HIVEP3: variants seen among roughly 807,000 people sequenced by gnomAD.
The protein encoded by HIVEP3 is HIVEP zinc finger 3, also known as transcription factor HIVEP3.
In HIVEP3, 49 loss-of-function variants were observed where a neutral mutation model predicts 152.8. That is an observed-to-expected ratio of 0.32 (90% confidence interval 0.26 to 0.41). The LOEUF is 0.41. Among genes scored for constraint, HIVEP3 ranks in the 10% least tolerant of loss-of-function variants. HIVEP3 has a pLI of 1.00. For synonymous variants in HIVEP3, 1,269 were observed against 1,289.0 expected (o/e 0.98, Z 0.33); for missense variants, 2,790 against 3,103.3 (o/e 0.90, Z 2.40).
intron 5 of HIVEP3, among the ~76,000 whole-genome samples, chr1:41,562,144 C>T (rs572361919): frequency 3.3e-5 from 5 of 152,278 alleles, no homozygotes; most frequent in East Asian, 1.9e-4. Flanking sequence ...ACCCTGGAAA[C>T]GGGTGTCATT....
At chr1:41,566,322 G>C (rs1470948838) in intron 5 of HIVEP3, among the ~76,000 whole-genome samples, 3 of 152,124 alleles carry the variant, frequency 2.0e-5, no homozygotes, top group Non-Finnish European at 4.4e-5. Context: ...CCCCAAACCA[G>C]CATCCTCTCT....
At chr1:41,950,334 C>A (rs1469977935) in intron 1 of HIVEP3, among the ~76,000 whole-genome samples, 11 of 150,366 alleles carry the variant, frequency 7.3e-5, no homozygotes, top group African/African-American at 2.0e-4. Flanking sequence ...ACAAAACAAA[C>A]AAAAAAAAAC....
intron 1 of HIVEP3, among the ~76,000 whole-genome samples, chr1:41,862,882 T>C (rs2124401101): frequency 6.6e-6 from 1 of 152,334 alleles, no homozygotes. Context: ...AGACGGAAGA[T>C]AAGCAGGTTC....
At chr1:41,946,012 G>A (rs1265437871) in intron 1 of HIVEP3, among the ~76,000 whole-genome samples, 7 of 152,112 alleles carry the variant, frequency 4.6e-5, no homozygotes, top group Non-Finnish European at 8.8e-5. Flanking sequence ...AGAAGCAGGC[G>A]GAACGGGACA....
At chr1:41,567,503 A>AGCT (rs779100739) in intron 5 of HIVEP3, among the ~76,000 whole-genome samples, 5 of 152,210 alleles carry the variant, frequency 3.3e-5, no homozygotes, top group Non-Finnish European at 5.9e-5. Flanking sequence ...CCATGCTCAG[A>AGCT]GCTGCACATC....
chr1:41,964,817 T>C (rs1386406154), intron 1 of HIVEP3, among the ~76,000 whole-genome samples: 2 of 152,248 alleles, frequency 1.3e-5, no homozygotes, highest in Non-Finnish European at 2.9e-5. Context: ...TTCAGCAGAC[T>C]TACTCTTTCC....
At chr1:41,759,048 A>G (rs1647499930) in intron 1 of HIVEP3, among the ~76,000 whole-genome samples, 1 of 152,070 alleles carries the variant, frequency 6.6e-6, no homozygotes, top group Admixed American at 6.5e-5. Context: ...AAGGTCCAGA[A>G]CTTTTTGATG....
chr1:41,603,628 G>A (rs1252611303), intron 3 of HIVEP3, among the ~76,000 whole-genome samples: 1 of 152,168 alleles, frequency 6.6e-6, no homozygotes, highest in Non-Finnish European at 1.5e-5. Context: ...CCAAAGTGCT[G>A]GGATTACAGG....
intron 5 of HIVEP3, among the ~76,000 whole-genome samples, chr1:41,558,752 G>A (rs1453368056): frequency 6.6e-6 from 1 of 152,196 alleles, no homozygotes; most frequent in Non-Finnish European, 1.5e-5. Flanking sequence ...CTTGGCTCTA[G>A]TCTCTAAAAA....
intron 1 of HIVEP3, among the ~76,000 whole-genome samples, chr1:41,718,168 A>G (rs560443299): frequency 6.6e-6 from 1 of 152,350 alleles, no homozygotes; most frequent in South Asian, 2.1e-4. Flanking sequence ...GAGGGGTGGA[A>G]CCAAGGTCTG....
At chr1:41,880,142 C>T (rs1366287123) in intron 1 of HIVEP3, among the ~76,000 whole-genome samples, 2 of 152,126 alleles carry the variant, frequency 1.3e-5, no homozygotes, top group East Asian at 1.9e-4. Context: ...CCACTGTAGC[C>T]TTCACCTCTC....
chr1:41,769,098 A>T (rs1648189241), intron 1 of HIVEP3, among the ~76,000 whole-genome samples: 1 of 152,242 alleles, frequency 6.6e-6, no homozygotes, highest in South Asian at 2.1e-4. Context: ...GCAGCTAAAA[A>T]TCACACACCA....
intron 1 of HIVEP3, among the ~76,000 whole-genome samples, chr1:41,791,879 G>T: frequency 6.7e-6 from 1 of 149,872 alleles, no homozygotes; most frequent in African/African-American, 2.5e-5. Context: ...TTTCCTCAAT[G>T]CATCATGCTT....
At chr1:41,587,734 T>G (rs569211010) in intron 3 of HIVEP3, among the ~76,000 whole-genome samples, 1 of 152,276 alleles carries the variant, frequency 6.6e-6, no homozygotes, top group South Asian at 2.1e-4. Flanking sequence ...GGTGATATGA[T>G]TTTCCCTGAA....
chr1:41,623,899 G>A (rs928835500), intron 3 of HIVEP3, among the ~76,000 whole-genome samples: 2 of 59,532 alleles, frequency 3.4e-5, no homozygotes, highest in Admixed American at 1.5e-4. Context: ...TCTGCATGCC[G>A]ATCAGAGTGA....
chr1:41,932,818 A>G (rs1324827195), intron 1 of HIVEP3, among the ~76,000 whole-genome samples: 1 of 151,832 alleles, frequency 6.6e-6, no homozygotes, highest in East Asian at 1.9e-4. Context: ...TTAACTCTAT[A>G]AATTTCCATC....
chr1:41,727,779 G>T (rs1426142287), intron 1 of HIVEP3, among the ~76,000 whole-genome samples: 1 of 152,214 alleles, frequency 6.6e-6, no homozygotes, highest in African/African-American at 2.4e-5. Flanking sequence ...CCCAAGCCCT[G>T]GGCTGGAGTC....
chr1:41,778,126 C>T (rs923210935), intron 1 of HIVEP3, among the ~76,000 whole-genome samples: 1 of 152,112 alleles, frequency 6.6e-6, no homozygotes, highest in Non-Finnish European at 1.5e-5. Flanking sequence ...CTTCATTGAC[C>T]GAAAAGTTGA....
intron 1 of HIVEP3, among the ~76,000 whole-genome samples, chr1:42,020,817 G>A (rs1645549353): frequency 6.6e-6 from 1 of 152,190 alleles, no homozygotes; most frequent in Admixed American, 6.5e-5. Context: ...TAGGGTCTGG[G>A]GAGGTGGAAA....
Sources: gnomAD v4.1 joint callset for allele counts (sites outside exome capture counted in the v4.1 genomes callset) on GRCh38, gnomAD v4.1.1 for gene constraint, MANE v1.5 for transcripts, NCBI Gene and HGNC (gene_info 2026-07-23, HGNC 2026-07-21) for gene names.